Variants in ROBO2 observed in about 807,000 individuals in gnomAD.
The protein encoded by ROBO2 is roundabout guidance receptor 2, also known as roundabout homolog 2.
ROBO2 carries 53 observed loss-of-function variants against 160.8 expected under a neutral mutation model. The ratio of observed to expected loss-of-function variants is 0.33; its 90% CI spans 0.26 to 0.41. The LOEUF (loss-of-function observed/expected upper bound fraction) is 0.41, where lower values mean the gene tolerates loss of function less well. Among genes scored for constraint, ROBO2 ranks in the 10% least tolerant of loss-of-function variants. The pLI is 1.00. For synonymous variants in ROBO2, 664 were observed against 611.7 expected (o/e 1.09, Z -1.26); for missense variants, 1,577 against 1,722.4 (o/e 0.92, Z 1.49).
chr3:76,105,880 A>G (rs892874602), intron 2 of ROBO2, among the ~76,000 whole-genome samples: 4 of 152,192 alleles, frequency 2.6e-5, no homozygotes, highest in African/African-American at 4.8e-5. Flanking sequence ...TCCTTTGTTC[A>G]TAATTAACAA....
chr3:76,588,447 A>G (rs1181085631), intron 2 of ROBO2, among the ~76,000 whole-genome samples: 1 of 152,240 alleles, frequency 6.6e-6, no homozygotes, highest in Non-Finnish European at 1.5e-5. Flanking sequence ...ATTAAGCAAT[A>G]ATAATTTTCA....
At chr3:76,288,743 T>A (rs1046602980) in intron 2 of ROBO2, among the ~76,000 whole-genome samples, 1 of 152,192 alleles carries the variant, frequency 6.6e-6, no homozygotes, top group African/African-American at 2.4e-5. Context: ...ACGTAAAATT[T>A]GATTTTCTGT....
chr3:77,010,468 T>C (rs1268914739), intron 2 of ROBO2, among the ~76,000 whole-genome samples: 1 of 152,186 alleles, frequency 6.6e-6, no homozygotes, highest in Non-Finnish European at 1.5e-5. Context: ...CACCTCTTTA[T>C]AAATGACCCA....
intron 2 of ROBO2, among the ~76,000 whole-genome samples, chr3:76,362,680 G>T (rs2075590379): frequency 6.6e-6 from 1 of 152,076 alleles, no homozygotes; most frequent in African/African-American, 2.4e-5. Context: ...ACAGGGCAAA[G>T]AAACTTTTAG....
intron 2 of ROBO2, among the ~76,000 whole-genome samples, chr3:76,124,103 T>A (rs543242944): frequency 1.3e-5 from 1 of 78,320 alleles, no homozygotes; most frequent in Non-Finnish European, 3.8e-5. Context: ...TCAAGAAAGA[T>A]GAATAAGAGA....
chr3:76,423,609 A>T (rs1175523139), intron 2 of ROBO2, among the ~76,000 whole-genome samples: 1 of 152,154 alleles, frequency 6.6e-6, no homozygotes, highest in Non-Finnish European at 1.5e-5. Context: ...ATGGGATTTG[A>T]TCACCAGATG....
intron 2 of ROBO2, among the ~76,000 whole-genome samples, chr3:76,265,255 T>C (rs1041530301): frequency 3.3e-5 from 5 of 152,108 alleles, no homozygotes; most frequent in African/African-American, 1.2e-4. Context: ...TCCTTTAGGA[T>C]CTAATACAAA....
At chr3:76,062,569 G>T (rs79703251) in intron 2 of ROBO2, among the ~76,000 whole-genome samples, 1,732 of 152,150 alleles carry the variant, frequency 0.011, 94 homozygotes, top group East Asian at 0.1. Flanking sequence ...TCTTACTTGG[G>T]ATTAGCAACA....
At position 77,200,308 on chromosome 3, in the gene ROBO2, TA is replaced by T. The variant is rs1560218742; in HGVS notation, c.388+101969del. ...ATATATATATATATATATATATATA[TA>T]TATATATATATATTTTAGTTTCTAT... On this transcript the variant is annotated intron_variant, in intron 2 of 25. Coordinates refer to ENST00000461745, the Ensembl canonical transcript of ROBO2. Among the ~76,000 whole-genome samples, 317 of 87,878 alleles carry T rather than the reference TA, an allele frequency of 3.6e-3. 5 individuals are homozygous for T. The highest frequency in any genetic ancestry group is 0.011 in the East Asian group (33 of 3,086). 57.7% of individuals were successfully genotyped at this position (87,878 alleles called of 152,430 possible). A position where few individuals can be genotyped will look rare whatever the true frequency, so the allele number is the denominator to read the frequency against.
At chr3:76,326,292 C>T (rs1035248237) in intron 2 of ROBO2, among the ~76,000 whole-genome samples, 2 of 152,052 alleles carry the variant, frequency 1.3e-5, no homozygotes, top group African/African-American at 4.8e-5. Context: ...ACTATAACTC[C>T]TCTTTGTAAG....
intron 2 of ROBO2, among the ~76,000 whole-genome samples, chr3:77,291,795 A>T (rs1224837920): frequency 3.3e-5 from 5 of 150,472 alleles, no homozygotes; most frequent in African/African-American, 1.2e-4. Flanking sequence ...CGGGAAGTTG[A>T]GGCTAGAACA....
chr3:77,293,495 C>T lies in ROBO2; in HGVS notation c.389-183919C>T, dbSNP rs1334714964. Among the ~76,000 whole-genome samples, 5 of 143,640 alleles carry T rather than the reference C, an allele frequency of 3.5e-5. 1 individual carries two copies. The highest frequency in any genetic ancestry group is 2.2e-4 in the South Asian group (1 of 4,594). 94.2% of individuals were successfully genotyped at this position (143,640 alleles called of 152,430 possible). ...AATGGGTAAGCTGAGGCTAGATCACCCCAGACATAAAGTAGAATTGATGTT... is the reference window on the plus strand; with the variant it reads ...AATGGGTAAGCTGAGGCTAGATCACTCCAGACATAAAGTAGAATTGATGTT... On this transcript the variant is annotated intron_variant, in intron 2 of 25. Transcript: ENST00000461745.
rs1307644698 is a variant in ROBO2, at chr3:76,834,187, CTCTT to C, written c.110-263806_110-263803del. ...TTTCTTTCTTTCTCTCTCTCTCTCT[CTCTT>C]TCTTTCTTTCTTTCTTTCTTGTTTT... On this transcript the variant is annotated intron_variant, in intron 2 of 26. Transcript: ENST00000487694. 8.7e-4 allele frequency among the ~76,000 whole-genome samples: 97 copies of C among 111,872 alleles called. 1 individual carries two copies. The highest frequency in any genetic ancestry group is 2.2e-3 in the East Asian group (7 of 3,114). The allele number at this position is 111,872 out of a possible 152,430, so 73.4% of individuals were successfully genotyped here. A position where few individuals can be genotyped will look rare whatever the true frequency, so the allele number is the denominator to read the frequency against.
At chr3:76,791,823 C>T (rs996874440) in intron 2 of ROBO2, among the ~76,000 whole-genome samples, 4 of 151,878 alleles carry the variant, frequency 2.6e-5, no homozygotes, top group Admixed American at 1.3e-4. Context: ...TAGTCACACA[C>T]ACACACACAA....
intron 2 of ROBO2, among the ~76,000 whole-genome samples, chr3:76,566,625 C>G (rs1347837437): frequency 1.3e-5 from 2 of 152,066 alleles, no homozygotes; most frequent in Non-Finnish European, 2.9e-5. Context: ...TAAAATAATA[C>G]CAATGGCTTT....
intron 1 of ROBO2, among the ~76,000 whole-genome samples, chr3:77,053,575 T>G (rs2065429862): frequency 6.6e-6 from 1 of 152,164 alleles, no homozygotes; most frequent in South Asian, 2.1e-4. Context: ...CAAGATCAGC[T>G]TTAAGTGAGG....
chr3:76,966,261 A>G (rs952254017), intron 2 of ROBO2, among the ~76,000 whole-genome samples: 3 of 152,174 alleles, frequency 2.0e-5, no homozygotes, highest in African/African-American at 4.8e-5. Context: ...CTTAAAGTGC[A>G]GACACTGATG....
At chr3:77,113,027 A>G (rs1043602104) in intron 2 of ROBO2, among the ~76,000 whole-genome samples, 3 of 152,194 alleles carry the variant, frequency 2.0e-5, no homozygotes, top group African/African-American at 7.2e-5. Flanking sequence ...AATAAAGTAG[A>G]AATAATTTTC....
intron 2 of ROBO2, among the ~76,000 whole-genome samples, chr3:77,447,059 A>G (rs886860835): frequency 2.0e-5 from 3 of 152,142 alleles, no homozygotes; most frequent in African/African-American, 7.2e-5. Context: ...AAGTTTTCTC[A>G]AGGAAAAATG....
Sources: gnomAD v4.1 joint callset for allele counts (sites outside exome capture counted in the v4.1 genomes callset) on GRCh38, gnomAD v4.1.1 for gene constraint, MANE v1.5 for transcripts, NCBI Gene and HGNC (gene_info 2026-07-23, HGNC 2026-07-21) for gene names.